The following CPVL variants were observed in gnomAD, a reference collection of about 807,000 sequenced individuals.
CPVL encodes probable serine carboxypeptidase CPVL.
Under a neutral mutation model 63.7 loss-of-function variants are expected in CPVL, and 51 were observed. The ratio of observed to expected loss-of-function variants is 0.80; its 90% CI spans 0.64 to 1.01. The LOEUF (loss-of-function observed/expected upper bound fraction) is 1.01. Ranked by LOEUF, CPVL falls within the 50% of genes least tolerant of loss-of-function variation. The probability of loss-of-function intolerance (pLI) is 0.00; values close to 1 mark genes in which losing one functional copy is unlikely to be tolerated. For synonymous variants in CPVL, 195 were observed against 206.0 expected (o/e 0.95, Z 0.46); for missense variants, 530 against 573.1 (o/e 0.92, Z 0.77).
chr7:28,996,225 G>C, intron 12 of CPVL: 1 of 189,844 alleles, frequency 5.3e-6, no homozygotes. Flanking sequence ...ACCTGGTGAG[G>C]CCCACCTCCA....
chr7:29,079,464 C>T (rs1174572787), intron 7 of CPVL, among the ~76,000 whole-genome samples: 1 of 152,208 alleles, frequency 6.6e-6, no homozygotes, highest in Non-Finnish European at 1.5e-5. Context: ...AAGCCTCGGT[C>T]ACCTCACCTG....
intron 1 of CPVL, among the ~76,000 whole-genome samples, chr7:29,138,800 G>T (rs1791532442): frequency 6.6e-6 from 1 of 152,162 alleles, no homozygotes; most frequent in Admixed American, 6.5e-5. Context: ...AGACTGCTGA[G>T]AGTCTAAGTT....
At chr7:29,115,146 AG>A (rs1788649734) in intron 2 of CPVL, among the ~76,000 whole-genome samples, 1 of 152,230 alleles carries the variant, frequency 6.6e-6, no homozygotes, top group African/African-American at 2.4e-5. Flanking sequence ...GCTTTCTGTG[AG>A]GATCAAACAA....
chr7:29,100,268 G>A (rs1786975415), intron 3 of CPVL, among the ~76,000 whole-genome samples: 1 of 152,146 alleles, frequency 6.6e-6, no homozygotes, highest in Non-Finnish European at 1.5e-5. Context: ...GCTGCAATGT[G>A]CTCATTAAAA....
At chr7:29,086,707 C>T (rs1287771411) in intron 6 of CPVL, among the ~76,000 whole-genome samples, 157 bp from the exon 7 acceptor site, 1 of 152,170 alleles carries the variant, frequency 6.6e-6, no homozygotes, top group Admixed American at 6.5e-5. Flanking sequence ...TTTATTTACA[C>T]AATACATGTG....
At chr7:29,076,270 A>C (rs1254128780) in intron 7 of CPVL, among the ~76,000 whole-genome samples, 2 of 152,174 alleles carry the variant, frequency 1.3e-5, no homozygotes, top group Admixed American at 6.5e-5. Flanking sequence ...CAGCAACAAC[A>C]ACCAGAACTC....
At chr7:29,086,403 T>A (rs1207015153) in intron 7 of CPVL, 81 bp downstream of exon 7, 1 of 1,001,136 alleles carries the variant, frequency 1.0e-6, no homozygotes, top group Admixed American at 1.8e-5. Context: ...TATATAGATT[T>A]TAAATGAACA....
chr7:29,065,590 C>T (rs1343437420), intron 10 of CPVL, among the ~76,000 whole-genome samples: 1 of 152,140 alleles, frequency 6.6e-6, no homozygotes, highest in Non-Finnish European at 1.5e-5. Context: ...AAAAGTAAGA[C>T]AAAGCAAATA....
chr7:29,187,482 G>A (rs968617350), intron 1 of CPVL, among the ~76,000 whole-genome samples: 3 of 152,150 alleles, frequency 2.0e-5, no homozygotes, highest in South Asian at 2.1e-4. Context: ...CCAGCACTTT[G>A]GGAGGCCGAG....
chr7:29,157,817 G>C (rs978786338), intron 5 of CPVL, among the ~76,000 whole-genome samples: 6 of 149,288 alleles, frequency 4.0e-5, no homozygotes, highest in African/African-American at 1.5e-4. Context: ...AGGTTTCAAA[G>C]AGGCACTTAG....
intron 5 of CPVL, among the ~76,000 whole-genome samples, chr7:29,173,883 T>C (rs1206472668): frequency 1.4e-5 from 2 of 145,774 alleles, no homozygotes; most frequent in Non-Finnish European, 3.0e-5. Context: ...ACCTGGGAGG[T>C]GGAGGCTGCA....
At chr7:29,085,558 A>C (rs1785118056) in intron 7 of CPVL, among the ~76,000 whole-genome samples, 1 of 152,240 alleles carries the variant, frequency 6.6e-6, no homozygotes, top group Non-Finnish European at 1.5e-5. Context: ...TAACTGATTC[A>C]GACAGAGATC....
chr7:29,003,074 A>G (rs1476408690), intron 12 of CPVL, among the ~76,000 whole-genome samples: 3 of 137,360 alleles, frequency 2.2e-5, no homozygotes, highest in African/African-American at 8.2e-5. Context: ...AGATAGAATA[A>G]ACACAAAGCA....
chr7:29,128,175 G>GTTTT (rs67806252), intron 1 of CPVL: 2 of 139,694 alleles, frequency 1.4e-5, no homozygotes, highest in South Asian at 4.4e-4. Flanking sequence ...AAAGTTAAGA[G>GTTTT]TTTTTTTTTT....
At position 29,106,012 on chromosome 7, in the gene CPVL, G is replaced by A. The variant is rs1584277658; in HGVS notation, c.288+6692C>T. 2.6e-5 allele frequency among the ~76,000 whole-genome samples: 4 copies of A among 152,340 alleles called. No homozygotes were observed. The East Asian group carries it at 7.7e-4, about 29-fold the overall frequency. ...TAGGGAGGGGACCCTTCCCAAGGCT[G>A]CTGTCCAGACCTCGGTGGAGAAGGT... On this transcript the variant is annotated intron_variant, in intron 3 of 12. Transcript: ENST00000265394.
chr7:29,075,471 T>G (rs1784144608), intron 7 of CPVL, among the ~76,000 whole-genome samples: 1 of 147,034 alleles, frequency 6.8e-6, no homozygotes, highest in African/African-American at 2.5e-5. Flanking sequence ...TTGTCATATC[T>G]AATTGCATTT....
At position 29,051,948 on chromosome 7, in the gene CPVL, A is replaced by C. The variant is rs563533834; in HGVS notation, c.1137+12113T>G. On this transcript the variant is annotated intron_variant, in intron 11 of 12. Transcript: ENST00000265394. ...ATATATATTCCAAATATATATATGA[A>C]TATATATATATGAATACTACTCAAC... Among the ~76,000 whole-genome samples, 3 of 43,344 alleles carry C rather than the reference A, an allele frequency of 6.9e-5. No homozygotes were observed. The East Asian group carries it at 1.6e-3, about 24-fold the overall frequency. The allele number at this position is 43,344 out of a possible 152,430, so 28.4% of individuals were successfully genotyped here. A position where few individuals can be genotyped will look rare whatever the true frequency, so the allele number is the denominator to read the frequency against.
At chr7:29,178,919 G>T (rs1382474365) in intron 5 of CPVL, among the ~76,000 whole-genome samples, 17 of 152,118 alleles carry the variant, frequency 1.1e-4, no homozygotes, top group Non-Finnish European at 2.5e-4. Flanking sequence ...CTAATAAAAA[G>T]AACACTAACA....
At chr7:29,062,328 G>GGT (rs1782696207) in intron 11 of CPVL, among the ~76,000 whole-genome samples, 1 of 152,114 alleles carries the variant, frequency 6.6e-6, no homozygotes, top group Non-Finnish European at 1.5e-5. Flanking sequence ...AGGACAAACA[G>GGT]CAGTGCCTTC....
Sources: gnomAD v4.1 joint callset for allele counts (sites outside exome capture counted in the v4.1 genomes callset) on GRCh38, gnomAD v4.1.1 for gene constraint, MANE v1.5 for transcripts, NCBI Gene and HGNC (gene_info 2026-07-23, HGNC 2026-07-21) for gene names.